The following HS2ST1 variants were observed in gnomAD, a reference collection of about 807,000 sequenced individuals.
HS2ST1 encodes heparan sulfate 2-O-sulfotransferase 1, also known as 2-O-sulfotransferase.
HS2ST1 carries 18 observed loss-of-function variants against 42.9 expected under a neutral mutation model. That is an observed-to-expected ratio of 0.42 (90% CI 0.29 to 0.62). The LOEUF (loss-of-function observed/expected upper bound fraction) is 0.62, where lower values mean the gene tolerates loss of function less well. Among genes scored for constraint, HS2ST1 ranks in the 20% least tolerant of loss-of-function variants. The probability of loss-of-function intolerance (pLI) is 0.21; values close to 1 mark genes in which losing one functional copy is unlikely to be tolerated. For missense variants in HS2ST1, 334 were observed against 433.8 expected (o/e 0.77, Z 2.04); for synonymous variants, 146 against 152.9 (o/e 0.95, Z 0.33).
chr1:87,095,504 A>G (rs1023742838), intron 4 of HS2ST1, among the ~76,000 whole-genome samples: 6 of 152,192 alleles, frequency 3.9e-5, no homozygotes, highest in African/African-American at 1.4e-4. Context: ...TGATCTTGTA[A>G]AGAATGGAAG....
intron 1 of HS2ST1, among the ~76,000 whole-genome samples, chr1:86,928,498 A>T (rs983657370): frequency 5.3e-5 from 8 of 151,874 alleles, no homozygotes; most frequent in Non-Finnish European, 1.0e-4. Context: ...AGTGCCTCCA[A>T]TTGCCAGTAT....
chr1:87,023,110 T>A (rs1312622344), intron 1 of HS2ST1, among the ~76,000 whole-genome samples: 9 of 152,226 alleles, frequency 5.9e-5, no homozygotes, highest in Non-Finnish European at 1.0e-4. Flanking sequence ...TCAATTGTGT[T>A]GTAACAAATT....
intron 1 of HS2ST1, among the ~76,000 whole-genome samples, chr1:86,976,069 T>C (rs979718655): frequency 6.6e-6 from 1 of 152,234 alleles, no homozygotes; most frequent in Non-Finnish European, 1.5e-5. Flanking sequence ...TTATGATTAT[T>C]AGACTGAATT....
chr1:87,037,340 G>A (rs927279980), intron 1 of HS2ST1, among the ~76,000 whole-genome samples: 2 of 30,654 alleles, frequency 6.5e-5, no homozygotes, highest in Non-Finnish European at 2.0e-4. Flanking sequence ...AGTGTATCTT[G>A]CTGTTGAAAA....
intron 1 of HS2ST1, among the ~76,000 whole-genome samples, chr1:86,977,031 C>T (rs1267293762): frequency 1.3e-5 from 2 of 151,918 alleles, no homozygotes; most frequent in Admixed American, 1.3e-4. Flanking sequence ...GCCTGGGCAA[C>T]AGAGAGAAAC....
chr1:87,108,944 T>C lies in HS2ST1; in HGVS notation c.*4248T>C, dbSNP rs926205515. 25 of 152,610 alleles carry C rather than the reference T, an allele frequency of 1.6e-4. No homozygotes were observed. The highest frequency in any genetic ancestry group is 4.8e-4 in the African/African-American group (20 of 41,554). 9.5% of individuals were successfully genotyped at this position (152,610 alleles called of 1,614,324 possible). A position where few individuals can be genotyped will look rare whatever the true frequency, so the allele number is the denominator to read the frequency against. ...ACACAGCTCAACAGTGCCTTTTTTT[T>C]CCCTCATAGTCCTGTTGGAAGATGC... On this transcript the variant is annotated 3_prime_UTR_variant, in exon 7 of 7. Transcript: ENST00000370550.
intron 1 of HS2ST1, among the ~76,000 whole-genome samples, chr1:86,985,922 G>GT (rs1648771109): frequency 6.6e-6 from 1 of 151,456 alleles, no homozygotes; most frequent in Admixed American, 6.6e-5. Flanking sequence ...CTGTGTTTTT[G>GT]TTTTTTGAAA....
chr1:86,930,973 G>C (rs1208426389), intron 1 of HS2ST1, among the ~76,000 whole-genome samples: 1 of 151,966 alleles, frequency 6.6e-6, no homozygotes, highest in East Asian at 1.9e-4. Flanking sequence ...TGACTAGTTA[G>C]TGGGGGAAAG....
intron 2 of HS2ST1, among the ~76,000 whole-genome samples, chr1:87,075,729 G>A (rs192929511): frequency 3.9e-5 from 6 of 151,926 alleles, no homozygotes; most frequent in Admixed American, 6.5e-5. Context: ...ACTATATTAG[G>A]TATTGTTCTA....
chr1:86,966,981 T>C (rs1648066259), intron 1 of HS2ST1, among the ~76,000 whole-genome samples: 1 of 151,808 alleles, frequency 6.6e-6, no homozygotes. Context: ...AACCTCTGCC[T>C]CCCAGGTTTA....
chr1:87,074,312 G>A (rs148200761), intron 2 of HS2ST1, among the ~76,000 whole-genome samples: 11 of 152,232 alleles, frequency 7.2e-5, no homozygotes, highest in African/African-American at 2.6e-4. Flanking sequence ...ATGTAATATT[G>A]TGTATCTCAA....
At chr1:86,989,612 G>A (rs1648884901) in intron 1 of HS2ST1, among the ~76,000 whole-genome samples, 1 of 152,156 alleles carries the variant, frequency 6.6e-6, no homozygotes, top group African/African-American at 2.4e-5. Flanking sequence ...GGATACATGT[G>A]CAGAACATAC....
intron 1 of HS2ST1, among the ~76,000 whole-genome samples, chr1:87,055,185 T>C (rs954761205): frequency 6.6e-6 from 1 of 152,216 alleles, no homozygotes; most frequent in Non-Finnish European, 1.5e-5. Context: ...TAAAGCCTTA[T>C]GAAAATGGGC....
intron 1 of HS2ST1, among the ~76,000 whole-genome samples, chr1:86,939,110 A>G (rs1467289591): frequency 6.6e-6 from 1 of 152,134 alleles, no homozygotes; most frequent in Admixed American, 6.5e-5. Context: ...TACTGAGGTT[A>G]CTTTCAGTCT....
Position 87,074,503 on chromosome 1 carries a change from A to T in HS2ST1, c.363+1331A>T, listed in dbSNP as rs77387544. On this transcript the variant is annotated intron_variant, in intron 2 of 6. Coordinates refer to ENST00000370550, the MANE Select transcript of HS2ST1 (RefSeq NM_012262.4). ...AATAATGTTAATTTGTTTGTTCAGC[A>T]TTACAAAGTCCTGGTAACTGCAAGA... 2.7e-3 allele frequency among the ~76,000 whole-genome samples: 411 copies of T among 152,354 alleles called. 1 individual carries two copies. Among genetic ancestry groups the T allele is most frequent in the African/African-American group, 9.4e-3 (391 of 41,586 alleles).
intron 1 of HS2ST1, among the ~76,000 whole-genome samples, chr1:86,946,962 A>C (rs940220211): frequency 2.0e-5 from 3 of 152,236 alleles, no homozygotes; most frequent in Non-Finnish European, 4.4e-5. Context: ...ATTTTATTGC[A>C]GGCTAATAAA....
chr1:86,952,720 G>T (rs1647559531), intron 1 of HS2ST1, among the ~76,000 whole-genome samples: 1 of 152,194 alleles, frequency 6.6e-6, no homozygotes, highest in Non-Finnish European at 1.5e-5. Flanking sequence ...TGAGCAATAG[G>T]TCTCAACAGT....
chr1:87,084,110 A>G, intron 2 of HS2ST1, 84 bp from the exon 3 acceptor site: 1 of 877,986 alleles, frequency 1.1e-6, no homozygotes, highest in Non-Finnish European at 1.7e-6. Context: ...TTAGGTTTTT[A>G]AATTCCTATC....
chr1:87,059,218 T>C (rs1651055301), intron 1 of HS2ST1, among the ~76,000 whole-genome samples: 1 of 152,218 alleles, frequency 6.6e-6, no homozygotes, highest in Non-Finnish European at 1.5e-5. Context: ...GTTAATATTA[T>C]AATCATTATG....
Sources: gnomAD v4.1 joint callset for allele counts (sites outside exome capture counted in the v4.1 genomes callset) on GRCh38, gnomAD v4.1.1 for gene constraint, MANE v1.5 for transcripts, NCBI Gene and HGNC (gene_info 2026-07-23, HGNC 2026-07-21) for gene names.